The following ZNF578 variants were observed in gnomAD, a reference collection of about 807,000 sequenced individuals.
ZNF578 encodes the protein Putative chemokine-related protein B42.
Under a neutral mutation model 8.3 loss-of-function variants are expected in ZNF578, and 8 were observed. The ratio of observed to expected loss-of-function variants is 0.96; its 90% confidence interval spans 0.56 to 1.74. ZNF578 has a LOEUF of 1.74. ZNF578 is among the 40% of genes most tolerant of loss of function. The pLI is 0.00. For missense variants in ZNF578, 726 were observed against 707.5 expected (o/e 1.03, Z -0.30); for synonymous variants, 206 against 232.2 (o/e 0.89, Z 1.03).
rs1246889685 is a variant in ZNF578, at chr19:52,512,296, C to G, written c.*142C>G. The G allele has an allele frequency of 1.3e-6, 2 of 1,556,378 alleles. No homozygotes were observed. The highest frequency in any genetic ancestry group is 1.8e-6 in the Non-Finnish European group (2 of 1,129,280). ...ATGAGTGTGGCAAAGCCTTTAGTGA[C>G]CAGTCAACACTTACCATCAGGCCAT... On this transcript the variant is annotated 3_prime_UTR_variant, in exon 6 of 6. Transcript: ENST00000421239.
rs151119506 is a variant in ZNF578 at position 52,462,567 on chromosome 19, A to G, written c.-122+5609A>G. On this transcript the variant is annotated intron_variant, in intron 2 of 5. Transcript: ENST00000421239. ...ACTTACCGTCATAGCAATTACCGCA[A>G]TCATAGCCACGATGAGGTTACTCGA... Among the ~76,000 whole-genome samples the G allele has an allele frequency of 1.7e-4, 26 of 152,320 alleles. No individual in the cohort carries two copies. In the South Asian group the frequency reaches 4.6e-3, roughly 27 times the overall value.
At chr19:52,500,630 T>G (rs28682272) in intron 3 of ZNF578, among the ~76,000 whole-genome samples, 29,224 of 151,896 alleles carry the variant, frequency 0.19, 3,016 homozygotes, top group Non-Finnish European at 0.23. Context: ...TGATCTGCCT[T>G]CCTCGGCCTC....
chr19:52,503,989 G>C (rs1253200710), intron 4 of ZNF578, among the ~76,000 whole-genome samples: 1 of 151,876 alleles, frequency 6.6e-6, no homozygotes, highest in African/African-American at 2.4e-5. Context: ...TTAGAGACAT[G>C]GTTTTGCCAT....
chr19:52,511,367 C>T lies in ZNF578; in HGVS notation c.986C>T (p.Ser329Phe). The T allele has an allele frequency of 6.2e-7, 1 of 1,613,832 alleles. No homozygotes were observed. Among genetic ancestry groups the T allele is most frequent in the Non-Finnish European group, 8.5e-7 (1 of 1,179,912 alleles). Residue 329 changes from serine to phenylalanine, a missense_variant, in exon 6 of 6, where the codon TCC (serine) becomes TTC (phenylalanine). Physicochemically the swap from Ser to Phe is radical, Grantham distance 155 (BLOSUM62 -2). Transcript: ENST00000421239. ...ECGKSFSYKSSLTCHHRCHTG... is the reference protein window; with the variant it reads ...ECGKSFSYKSFLTCHHRCHTG... ...GGAAAGTCCTTCAGTTACAAGTCAT[C>T]CCTTACATGCCATCATAGGTGTCAC...
Position 52,456,994 on chromosome 19 carries a change from C to T in ZNF578, c.-122+36C>T, listed in dbSNP as rs78123654. The T allele has an allele frequency of 1.0e-3, 156 of 153,114 alleles. 1 individual carries two copies. Among genetic ancestry groups the T allele is most frequent in the Admixed American group, 3.7e-3 (57 of 15,284 alleles). 9.5% of individuals were successfully genotyped at this position (153,114 alleles called of 1,614,324 possible). A position where few individuals can be genotyped will look rare whatever the true frequency, so the allele number is the denominator to read the frequency against. ...ATTCTCAGTGGACTGTTGTGTGTCT[C>T]CTTCCTTTCTGAAATGCCATGTGTG... On this transcript the variant is annotated intron_variant, in intron 2 of 5. Coordinates refer to ENST00000421239, the MANE Select transcript of ZNF578 (RefSeq NM_001099694.2).
At position 52,516,714 on chromosome 19, in the gene ZNF578, T is replaced by C. The variant is rs1333429631; in HGVS notation, c.*4560T>C. On this transcript the variant is annotated 3_prime_UTR_variant, in exon 6 of 6. Coordinates refer to ENST00000421239, the MANE Select transcript of ZNF578 (RefSeq NM_001099694.2). ...TTGTAATCCTCCCCACCCTTGAGAATGGACTTGGTGAGATCCACCCCCTGC... is the reference window on the plus strand; with the variant it reads ...TTGTAATCCTCCCCACCCTTGAGAACGGACTTGGTGAGATCCACCCCCTGC... 2.0e-5 allele frequency among the ~76,000 whole-genome samples: 3 copies of C among 152,148 alleles called. No individual in the cohort carries two copies. The highest frequency in any genetic ancestry group is 4.4e-5 in the Non-Finnish European group (3 of 68,030).
At chr19:52,471,022 A>G (rs554297809) in intron 2 of ZNF578, among the ~76,000 whole-genome samples, 1 of 152,168 alleles carries the variant, frequency 6.6e-6, no homozygotes, top group South Asian at 2.1e-4. Flanking sequence ...CATGTGTGGC[A>G]CCTACCCCCA....
At chr19:52,482,316 AAGCCACCACGCCC>A (rs1344822496) in intron 2 of ZNF578, among the ~76,000 whole-genome samples, 2 of 151,416 alleles carry the variant, frequency 1.3e-5, no homozygotes. Flanking sequence ...TTACAGGCGT[AAGCCACCACGCCC>A]AGCCCATAGT....
At position 52,516,012 on chromosome 19, in the gene ZNF578, A is replaced by G. The variant is rs2059473872; in HGVS notation, c.*3858A>G. Among the ~76,000 whole-genome samples the G allele has an allele frequency of 6.6e-6, 1 of 151,962 alleles. No individual in the cohort carries two copies. Among genetic ancestry groups the G allele is most frequent in the Admixed American group, 6.5e-5 (1 of 15,272 alleles). ...CAGCCCCGTGTGCAGGGCCCCTGCC[A>G]GTGTCCAGCCTCCTCCTGGCAGCTT... On this transcript the variant is annotated 3_prime_UTR_variant, in exon 6 of 6. Coordinates refer to ENST00000421239, the MANE Select transcript of ZNF578 (RefSeq NM_001099694.2).
At chr19:52,510,036 C>T (rs1423178370) in intron 5 of ZNF578, among the ~76,000 whole-genome samples, 2 of 152,032 alleles carry the variant, frequency 1.3e-5, no homozygotes, top group Non-Finnish European at 2.9e-5. Flanking sequence ...CACGGGCCAG[C>T]ACACCTGGCT....
intron 2 of ZNF578, among the ~76,000 whole-genome samples, chr19:52,459,728 T>G (rs2059250928): frequency 8.2e-5 from 2 of 24,250 alleles, no homozygotes; most frequent in African/African-American, 1.1e-4. Context: ...TGTGTGTGTG[T>G]GTGTGTGTGT....
At chr19:52,471,849 T>G (rs904007207) in intron 2 of ZNF578, among the ~76,000 whole-genome samples, 1 of 152,170 alleles carries the variant, frequency 6.6e-6, no homozygotes, top group African/African-American at 2.4e-5. Context: ...TATATGAAAT[T>G]TCTAGTCAGT....
intron 4 of ZNF578, among the ~76,000 whole-genome samples, chr19:52,503,385 G>T (rs2122946558): frequency 6.6e-6 from 1 of 152,078 alleles, no homozygotes; most frequent in South Asian, 2.1e-4. Context: ...TCTCTCTGTT[G>T]CCCAGGTTGT....
At position 52,516,606 on chromosome 19, in the gene ZNF578, A is replaced by T. The variant is rs2059477298; in HGVS notation, c.*4452A>T. Among the ~76,000 whole-genome samples, 1 of 152,194 alleles carries T rather than the reference A, an allele frequency of 6.6e-6. No homozygotes were observed. The highest frequency in any genetic ancestry group is 6.5e-5 in the Admixed American group (1 of 15,276). On this transcript the variant is annotated 3_prime_UTR_variant, in exon 6 of 6. Coordinates refer to ENST00000421239, the MANE Select transcript of ZNF578 (RefSeq NM_001099694.2). ...GAAGTGAAAATACCCTTAAGTGATG[A>T]CATTCCACCATTGTGATTTATTTCT...
At chr19:52,503,800 C>CTTTTTTTTTTTTT (rs59166209) in intron 4 of ZNF578, among the ~76,000 whole-genome samples, 15 of 125,506 alleles carry the variant, frequency 1.2e-4, no homozygotes, top group African/African-American at 4.1e-4. Context: ...CCTGTGTTTG[C>CTTTTTTTTTTTTT]TTTTTTTTTT....
In ZNF578 at chr19:52,514,835, G is replaced by A. The variant is rs2059466153; in HGVS notation, c.*2681G>A. On this transcript the variant is annotated 3_prime_UTR_variant, in exon 6 of 6. Coordinates refer to ENST00000421239, the MANE Select transcript of ZNF578 (RefSeq NM_001099694.2). The stretch of plus-strand genomic sequence containing the variant: ...CCACCAGCACACCCAGCTAGTTTTT[G>A]TATTTTTAGTAGAGACAGGGTTTCA... Among the ~76,000 whole-genome samples, 1 of 151,946 alleles carries A rather than the reference G, an allele frequency of 6.6e-6. No homozygotes were observed. The highest frequency in any genetic ancestry group is 1.5e-5 in the Non-Finnish European group (1 of 67,994).
chr19:52,488,244 C>T (rs935221841), intron 2 of ZNF578, among the ~76,000 whole-genome samples: 2 of 152,050 alleles, frequency 1.3e-5, no homozygotes, highest in Admixed American at 1.3e-4. Context: ...AGCCACCATG[C>T]CCAGCCCATA....
At chr19:52,481,090 C>T (rs922517436) in intron 2 of ZNF578, among the ~76,000 whole-genome samples, 1 of 152,060 alleles carries the variant, frequency 6.6e-6, no homozygotes, top group South Asian at 2.1e-4. Flanking sequence ...TGAGCACTCA[C>T]AGGCATGTCC....
Position 52,516,862 on chromosome 19 carries a change from C to A in ZNF578, c.*4708C>A, listed in dbSNP as rs915114068. On this transcript the variant is annotated 3_prime_UTR_variant, in exon 6 of 6. Transcript: ENST00000421239. ...CCCGCCTGCACCCAGGTGAAATAAA[C>A]AGCCTCGTTGCTCACACAAAGCCTG... is the stretch of plus-strand genomic sequence containing the variant. 6.6e-6 allele frequency among the ~76,000 whole-genome samples: 1 copy of A among 152,238 alleles called. No homozygotes were observed. The highest frequency in any genetic ancestry group is 2.4e-5 in the African/African-American group (1 of 41,462).
Sources: allele counts gnomAD v4.1 joint callset (sites outside exome capture counted in the v4.1 genomes callset), GRCh38; gene constraint gnomAD v4.1.1; transcripts MANE v1.5; gene names NCBI Gene and HGNC (gene_info 2026-07-23, HGNC 2026-07-21).